CAMTA1: variants seen among roughly 807,000 people sequenced by gnomAD.
CAMTA1 encodes the protein calmodulin binding transcription activator 1, also known as calmodulin-binding transcription activator 1.
A neutral mutation model predicts 170.9 loss-of-function variants in CAMTA1; 27 were observed. The observed-to-expected ratio is 0.16, with a 90% CI of 0.12 to 0.22. CAMTA1 has a LOEUF of 0.22. Ranked by LOEUF, CAMTA1 falls within the 10% of genes least tolerant of loss-of-function variation. The pLI, the probability that CAMTA1 is intolerant of heterozygous loss-of-function variation, is 1.00. For missense variants in CAMTA1, 1,619 were observed against 2,217.2 expected (o/e 0.73, Z 5.42); for synonymous variants, 833 against 891.5 (o/e 0.93, Z 1.17).
chr1:7,745,130 A>C, intron 17 of CAMTA1, 108 bp downstream of exon 17: 1 of 1,013,462 alleles, frequency 9.9e-7, no homozygotes, highest in Non-Finnish European at 1.4e-6. Context: ...AGACCATACC[A>C]AGGAAGGAAG....
chr1:7,391,769 C>T (rs1187554079), intron 5 of CAMTA1, among the ~76,000 whole-genome samples: 1 of 152,126 alleles, frequency 6.6e-6, no homozygotes, highest in African/African-American at 2.4e-5. Flanking sequence ...AGGATGTGGC[C>T]TTTTGAGTCT....
chr1:7,077,733 G>A (rs574094763), intron 3 of CAMTA1, among the ~76,000 whole-genome samples: 2 of 152,222 alleles, frequency 1.3e-5, no homozygotes, highest in African/African-American at 2.4e-5. Context: ...GCAAGGAAAC[G>A]TGGTTGCTCG....
intron 3 of CAMTA1, among the ~76,000 whole-genome samples, chr1:7,038,992 A>G (rs910373387): frequency 2.2e-4 from 34 of 152,290 alleles, no homozygotes; most frequent in Admixed American, 2.2e-3. Context: ...GTGAGCCGAG[A>G]TCCTGCCACT....
intron 7 of CAMTA1, among the ~76,000 whole-genome samples, chr1:7,654,947 T>C (rs115027207): frequency 0.029 from 3,653 of 125,338 alleles, 67 homozygotes; most frequent in South Asian, 0.055. Context: ...CACACACCTA[T>C]ACACACACAA....
intron 3 of CAMTA1, among the ~76,000 whole-genome samples, chr1:6,931,623 T>C (rs1030234178): frequency 1.3e-5 from 2 of 152,200 alleles, no homozygotes; most frequent in Non-Finnish European, 2.9e-5. Context: ...ATTACTGTTT[T>C]CCTCACTGTA....
intron 5 of CAMTA1, among the ~76,000 whole-genome samples, chr1:7,378,973 C>T (rs2087064129): frequency 6.6e-6 from 1 of 152,186 alleles, no homozygotes; most frequent in South Asian, 2.1e-4. Context: ...CTGTCTCTGA[C>T]TTGCCTGGGT....
chr1:7,594,135 GAAA>G, intron 6 of CAMTA1, among the ~76,000 whole-genome samples: 2 of 147,120 alleles, frequency 1.4e-5, no homozygotes, highest in East Asian at 4.1e-4. Context: ...AAGAAAGAAA[GAAA>G]GAAGGAAGGA....
chr1:7,182,432 T>G (rs1157840534), intron 4 of CAMTA1, among the ~76,000 whole-genome samples: 1 of 149,556 alleles, frequency 6.7e-6, no homozygotes, highest in Non-Finnish European at 1.5e-5. Context: ...AGGTCGAGGC[T>G]GCAGTGAACC....
chr1:7,521,783 A>G (rs934082893), intron 6 of CAMTA1, among the ~76,000 whole-genome samples: 26 of 152,246 alleles, frequency 1.7e-4, no homozygotes, highest in African/African-American at 6.3e-4. Flanking sequence ...TCCTGACCTC[A>G]TGATCCGCCC....
chr1:7,604,426 C>T (rs1015448480), intron 6 of CAMTA1, among the ~76,000 whole-genome samples: 1 of 152,216 alleles, frequency 6.6e-6, no homozygotes, highest in African/African-American at 2.4e-5. Flanking sequence ...TCATTTCATT[C>T]ATTTGATCTT....
intron 12 of CAMTA1, among the ~76,000 whole-genome samples, chr1:7,734,199 G>C (rs577717586): frequency 1.3e-5 from 2 of 152,096 alleles, no homozygotes; most frequent in Non-Finnish European, 2.9e-5. Context: ...CGCCTGCCTC[G>C]GCCTCCCAAA....
chr1:7,452,077 C>T (rs1575408705), intron 5 of CAMTA1, among the ~76,000 whole-genome samples: 1 of 152,222 alleles, frequency 6.6e-6, no homozygotes, highest in African/African-American at 2.4e-5. Flanking sequence ...GGCTAACCCC[C>T]CTCTAAACTG....
At chr1:7,536,171 A>G (rs1279904106) in intron 6 of CAMTA1, among the ~76,000 whole-genome samples, 5 of 152,246 alleles carry the variant, frequency 3.3e-5, no homozygotes, top group Non-Finnish European at 4.4e-5. Flanking sequence ...AGCCCCCGTC[A>G]TCGTGTGTAT....
chr1:7,275,980 A>G (rs1670529369), intron 5 of CAMTA1, among the ~76,000 whole-genome samples: 1 of 152,052 alleles, frequency 6.6e-6, no homozygotes, highest in Non-Finnish European at 1.5e-5. Flanking sequence ...ACATAGATGT[A>G]AAAATCCATA....
chr1:7,222,702 T>C (rs1324870482), intron 4 of CAMTA1, among the ~76,000 whole-genome samples: 1 of 152,220 alleles, frequency 6.6e-6, no homozygotes, highest in African/African-American at 2.4e-5. Flanking sequence ...GCTCTCTTCT[T>C]TCCTGATGGC....
intron 4 of CAMTA1, among the ~76,000 whole-genome samples, chr1:7,197,356 T>C (rs975097391): frequency 6.6e-6 from 1 of 152,144 alleles, no homozygotes; most frequent in Non-Finnish European, 1.5e-5. Context: ...TTGTCCCGAA[T>C]GAGCAAGACC....
At chr1:7,124,276 C>G (rs916188433) in intron 4 of CAMTA1, among the ~76,000 whole-genome samples, 1 of 152,174 alleles carries the variant, frequency 6.6e-6, no homozygotes, top group African/African-American at 2.4e-5. Context: ...AGACACCTGT[C>G]CCCTGTTGCG....
chr1:7,406,092 A>G (rs1328169046), intron 5 of CAMTA1, among the ~76,000 whole-genome samples: 1 of 152,250 alleles, frequency 6.6e-6, no homozygotes, highest in African/African-American at 2.4e-5. Context: ...GAGCTTCTGC[A>G]GCAGCATGGG....
At chr1:7,386,909 G>C (rs188485365) in intron 5 of CAMTA1, among the ~76,000 whole-genome samples, 53 of 152,280 alleles carry the variant, frequency 3.5e-4, no homozygotes, top group African/African-American at 1.2e-3. Context: ...GTCTCCGCTG[G>C]TGACGTTCAG....
Sources: allele counts gnomAD v4.1 joint callset (sites outside exome capture counted in the v4.1 genomes callset), GRCh38; gene constraint gnomAD v4.1.1; transcripts MANE v1.5; gene names NCBI Gene and HGNC (gene_info 2026-07-23, HGNC 2026-07-21).